MAP4K5: variants seen among roughly 807,000 people sequenced by gnomAD.
MAP4K5 encodes the protein mitogen-activated protein kinase kinase kinase kinase 5, also known as MAPK/ERK kinase kinase kinase 5.
Under a neutral mutation model 135.6 loss-of-function variants are expected in MAP4K5, and 82 were observed. That is an observed-to-expected ratio of 0.60 (90% confidence interval 0.51 to 0.73). The LOEUF (loss-of-function observed/expected upper bound fraction) is 0.73, where lower values mean the gene tolerates loss of function less well. Ranked by LOEUF, MAP4K5 falls within the 30% of genes least tolerant of loss-of-function variation. The probability of loss-of-function intolerance (pLI) is 0.00; values close to 1 mark genes in which losing one functional copy is unlikely to be tolerated. For missense variants in MAP4K5, 907 were observed against 1,010.9 expected (o/e 0.90, Z 1.39); for synonymous variants, 347 against 335.0 (o/e 1.04, Z -0.39).
intron 2 of MAP4K5, among the ~76,000 whole-genome samples, chr14:50,541,941 A>T (rs1352751060): frequency 7.4e-6 from 1 of 135,112 alleles, no homozygotes; most frequent in Admixed American, 8.4e-5. Context: ...CAGGAGGCAG[A>T]GCTTGTAGTG....
chr14:50,493,353 T>A (rs80133703), intron 3 of MAP4K5, among the ~76,000 whole-genome samples: 1 of 152,200 alleles, frequency 6.6e-6, no homozygotes, highest in African/African-American at 2.4e-5. Context: ...TTTCCAGTCC[T>A]GTAAGTACTA....
Position 50,423,001 on chromosome 14 carries a change from T to C in MAP4K5, c.2453+120A>G, listed in dbSNP as rs1233641876. The C allele has an allele frequency of 5.9e-6, 3 of 508,588 alleles. No individual in the cohort carries two copies. In the Admixed American group the frequency reaches 1.1e-4, roughly 18 times the overall value. 31.5% of individuals were successfully genotyped at this position (508,588 alleles called of 1,614,324 possible). ...TTCTCTCAGTAAAGACACAGAGAAA[T>C]GTATCTAAGTCAATGAGCTTCTAAG... On this transcript the variant is annotated intron_variant, in intron 32 of 32. Coordinates refer to ENST00000682126, the MANE Select transcript of MAP4K5 (RefSeq NM_006575.6).
intron 14 of MAP4K5, chr14:50,456,311 C>T: frequency 1.9e-6 from 1 of 527,778 alleles, no homozygotes. Flanking sequence ...ATGATTTTGT[C>T]CATAACTGGA....
chr14:50,482,988 G>A (rs2037283273), intron 5 of MAP4K5: 1 of 152,464 alleles, frequency 6.6e-6, no homozygotes, highest in Admixed American at 6.5e-5. Context: ...AAAATATTAA[G>A]CACTCATGTG....
chr14:50,452,807 T>G (rs1036204788), intron 14 of MAP4K5, among the ~76,000 whole-genome samples: 2 of 152,242 alleles, frequency 1.3e-5, no homozygotes, highest in Non-Finnish European at 2.9e-5. Context: ...GGAATCCTTC[T>G]GAAGCAGATG....
intron 10 of MAP4K5, among the ~76,000 whole-genome samples, chr14:50,468,174 T>C (rs1174238207): frequency 6.6e-6 from 1 of 152,116 alleles, no homozygotes; most frequent in Non-Finnish European, 1.5e-5. Flanking sequence ...AAAAGTTTCA[T>C]CTGCATTCTA....
At chr14:50,510,688 GA>G (rs2037913154) in intron 2 of MAP4K5, among the ~76,000 whole-genome samples, 1 of 151,912 alleles carries the variant, frequency 6.6e-6, no homozygotes, top group African/African-American at 2.4e-5. Context: ...AAAATTATTT[GA>G]AAAAAATTAC....
At chr14:50,488,625 C>T (rs985456304) in intron 3 of MAP4K5, among the ~76,000 whole-genome samples, 26 of 152,214 alleles carry the variant, frequency 1.7e-4, no homozygotes, top group African/African-American at 6.0e-4. Flanking sequence ...ACTACTAACT[C>T]TTGGTAGTAG....
At chr14:50,513,814 T>C (rs1341276297) in intron 2 of MAP4K5, among the ~76,000 whole-genome samples, 1 of 152,156 alleles carries the variant, frequency 6.6e-6, no homozygotes, top group Non-Finnish European at 1.5e-5. Context: ...TTCTATAACA[T>C]AACATCAGAA....
At chr14:50,560,384 A>C (rs1305746615) in intron 1 of MAP4K5, 24 of 1,525,560 alleles carry the variant, frequency 1.6e-5, no homozygotes, top group Non-Finnish European at 2.1e-5. Context: ...GGGAGGGCCA[A>C]GGGCTGCTAG....
chr14:50,462,616 C>T, intron 13 of MAP4K5, 49 bp downstream of exon 13: 1 of 1,286,284 alleles, frequency 7.8e-7, no homozygotes, highest in Non-Finnish European at 1.1e-6. Flanking sequence ...AACTTTAAGG[C>T]CTTATAAAAC....
intron 2 of MAP4K5, among the ~76,000 whole-genome samples, chr14:50,530,748 G>A (rs2038367913): frequency 6.6e-6 from 1 of 152,216 alleles, no homozygotes; most frequent in South Asian, 2.1e-4. Context: ...GCCTGGTACA[G>A]AAGACTCAAA....
chr14:50,538,808 A>G (rs576801939), intron 2 of MAP4K5, among the ~76,000 whole-genome samples: 1 of 152,184 alleles, frequency 6.6e-6, no homozygotes, highest in Admixed American at 6.5e-5. Context: ...CTGTCATCTA[A>G]TCATTTATTT....
At chr14:50,550,106 G>A (rs145012011) in intron 1 of MAP4K5, among the ~76,000 whole-genome samples, 4 of 152,308 alleles carry the variant, frequency 2.6e-5, no homozygotes, top group South Asian at 4.1e-4. Context: ...TGTACTCTTT[G>A]AGGGAGGTCT....
chr14:50,556,378 G>T (rs1170650880), intron 1 of MAP4K5, among the ~76,000 whole-genome samples: 2 of 152,136 alleles, frequency 1.3e-5, no homozygotes, highest in East Asian at 3.9e-4. Context: ...ACTGCACCTG[G>T]CTAGTTTTTC....
upstream of MAP4K5, among the ~76,000 whole-genome samples, chr14:50,537,046 C>T (rs538813969): frequency 4.6e-5 from 7 of 152,304 alleles, no homozygotes; most frequent in South Asian, 4.1e-4. Flanking sequence ...GCCTTCAGGG[C>T]GTGTCAGAGG....
At chr14:50,459,161 A>G (rs2180498) in intron 13 of MAP4K5, among the ~76,000 whole-genome samples, 4 of 152,164 alleles carry the variant, frequency 2.6e-5, no homozygotes, top group African/African-American at 7.2e-5. Context: ...CTACAATGAC[A>G]TATCTAGCTC....
chr14:50,428,280 T>C (rs1219130764), intron 30 of MAP4K5, among the ~76,000 whole-genome samples: 1 of 152,186 alleles, frequency 6.6e-6, no homozygotes, highest in East Asian at 1.9e-4. Context: ...CTTTTTTTTT[T>C]TTCTTGCTCT....
At chr14:50,424,582 T>C (rs1457539579) in intron 31 of MAP4K5, among the ~76,000 whole-genome samples, 1 of 151,730 alleles carries the variant, frequency 6.6e-6, no homozygotes, top group Non-Finnish European at 1.5e-5. Flanking sequence ...TGTTGGTGCA[T>C]GCCTGTAATC....
Sources: allele counts gnomAD v4.1 joint callset (sites outside exome capture counted in the v4.1 genomes callset), GRCh38; gene constraint gnomAD v4.1.1; transcripts MANE v1.5; gene names NCBI Gene and HGNC (gene_info 2026-07-23, HGNC 2026-07-21).